HORMAD2: variants seen among roughly 807,000 people sequenced by gnomAD.
The protein encoded by HORMAD2 is HORMA domain-containing protein 2.
In HORMAD2, 45 loss-of-function variants were observed where a neutral mutation model predicts 38.8. The observed-to-expected ratio is 1.16, with a 90% CI of 0.91 to 1.49. The LOEUF (loss-of-function observed/expected upper bound fraction) is 1.49. Ranked by LOEUF, HORMAD2 falls within the 40% of genes most tolerant of loss-of-function variation. The probability of loss-of-function intolerance (pLI) is 0.00; values close to 1 mark genes in which losing one functional copy is unlikely to be tolerated. For missense variants in HORMAD2, 338 were observed against 367.0 expected, an observed-to-expected ratio of 0.92 and a Z score of 0.65; for synonymous variants, 126 against 122.8, an observed-to-expected ratio of 1.03 and a Z score of -0.17.
At chr22:30,147,739 A>T (rs527471946) in intron 10 of HORMAD2, among the ~76,000 whole-genome samples, 22 of 152,312 alleles carry the variant, frequency 1.4e-4, no homozygotes, top group Non-Finnish European at 1.6e-4. Flanking sequence ...GACTACATTT[A>T]AAAAAATCTA....
intron 10 of HORMAD2, among the ~76,000 whole-genome samples, chr22:30,165,315 G>C (rs775075085): frequency 6.6e-6 from 1 of 152,126 alleles, no homozygotes; most frequent in South Asian, 2.1e-4. Flanking sequence ...TAGGTTTGTA[G>C]TAAGCTTTGA....
At chr22:30,142,683 A>G (rs1049696596) in intron 10 of HORMAD2, among the ~76,000 whole-genome samples, 2 of 152,026 alleles carry the variant, frequency 1.3e-5, no homozygotes, top group Non-Finnish European at 2.9e-5. Context: ...TAATGTTACT[A>G]TTGATATATT....
chr22:30,097,905 G>A (rs933218638), intron 2 of HORMAD2, among the ~76,000 whole-genome samples: 2 of 152,204 alleles, frequency 1.3e-5, no homozygotes, highest in Non-Finnish European at 2.9e-5. Context: ...TCAAGCCAGT[G>A]GCAGTGAGCA....
At chr22:30,117,539 C>T (rs948675668) in intron 7 of HORMAD2, among the ~76,000 whole-genome samples, 3 of 151,458 alleles carry the variant, frequency 2.0e-5, no homozygotes, top group African/African-American at 7.3e-5. Flanking sequence ...GATGGAGTCT[C>T]GCTCTGTCAC....
At chr22:30,132,799 C>T (rs1923378180) in intron 10 of HORMAD2, among the ~76,000 whole-genome samples, 1 of 152,018 alleles carries the variant, frequency 6.6e-6, no homozygotes, top group Non-Finnish European at 1.5e-5. Flanking sequence ...CAGAGAATTA[C>T]TTCTTTCCTT....
intron 10 of HORMAD2, among the ~76,000 whole-genome samples, chr22:30,159,903 T>C (rs1925337113): frequency 6.6e-6 from 1 of 152,176 alleles, no homozygotes; most frequent in Admixed American, 6.5e-5. Flanking sequence ...TTCAGCACAC[T>C]GCTCTGGCAT....
At chr22:30,107,024 A>G (rs939234520) in intron 5 of HORMAD2, among the ~76,000 whole-genome samples, 1 of 152,196 alleles carries the variant, frequency 6.6e-6, no homozygotes, top group African/African-American at 2.4e-5. Flanking sequence ...AATGGTTAGA[A>G]CAATGCCTGG....
At chr22:30,148,866 G>A (rs994720086) in intron 10 of HORMAD2, among the ~76,000 whole-genome samples, 3 of 152,090 alleles carry the variant, frequency 2.0e-5, no homozygotes, top group Non-Finnish European at 2.9e-5. Flanking sequence ...TTAGCCGGGC[G>A]TGGTGACGGG....
chr22:30,189,646 T>A, the HORMAD2 span, among the ~76,000 whole-genome samples: 1 of 152,110 alleles, frequency 6.6e-6, no homozygotes, highest in Non-Finnish European at 1.5e-5. Flanking sequence ...CCTTGCTCCC[T>A]CCTTGCCCTG....
chr22:30,148,620 T>C (rs1027600009), intron 10 of HORMAD2, among the ~76,000 whole-genome samples: 5 of 152,176 alleles, frequency 3.3e-5, no homozygotes, highest in African/African-American at 7.2e-5. Context: ...TTGTCTCAAA[T>C]TGGAAACAAC....
At chr22:30,199,620 T>C in the HORMAD2 span, among the ~76,000 whole-genome samples, 1 of 152,246 alleles carries the variant, frequency 6.6e-6, no homozygotes. Flanking sequence ...TGTTTTATAC[T>C]CTTGAGTTAA....
chr22:30,193,970 A>T, the HORMAD2 span, among the ~76,000 whole-genome samples: 3 of 152,184 alleles, frequency 2.0e-5, no homozygotes, highest in African/African-American at 7.2e-5. Flanking sequence ...CACCACATGG[A>T]ATAGCAGATC....
rs141743598 is a variant in HORMAD2 at position 30,096,633 on chromosome 22, A to G, written c.52-2219A>G. ...TGGGTGCCTTTTACCACACCTGGCTAATTTTTGTATTTTTAGTAGAGACGG... is the reference window on the plus strand; with the variant it reads ...TGGGTGCCTTTTACCACACCTGGCTGATTTTTGTATTTTTAGTAGAGACGG... On this transcript the variant is annotated intron_variant, in intron 2 of 10. Transcript: ENST00000336726. Among the ~76,000 whole-genome samples, 22 of 151,868 alleles carry G rather than the reference A, an allele frequency of 1.4e-4. No homozygotes were observed. In the East Asian group the frequency reaches 2.9e-3, roughly 20 times the overall value.
chr22:30,097,620 G>A (rs1318607980), intron 2 of HORMAD2, among the ~76,000 whole-genome samples: 3 of 152,150 alleles, frequency 2.0e-5, no homozygotes, highest in African/African-American at 7.2e-5. Flanking sequence ...AGACAGCAGA[G>A]TGCATGGGAG....
intron 1 of HORMAD2, among the ~76,000 whole-genome samples, chr22:30,083,447 T>C (rs918969883): frequency 5.3e-5 from 8 of 152,166 alleles, no homozygotes; most frequent in Non-Finnish European, 1.0e-4. Context: ...GGATAACACA[T>C]AGAAAAAATC....
chr22:30,089,355 CTT>C (rs749436345), intron 1 of HORMAD2, among the ~76,000 whole-genome samples: 15 of 140,156 alleles, frequency 1.1e-4, no homozygotes, highest in Admixed American at 2.2e-4. Context: ...GCTGCTGCTT[CTT>C]TTTTTTTTTT....
At chr22:30,130,632 C>G (rs1246762378) in intron 10 of HORMAD2, among the ~76,000 whole-genome samples, 1 of 147,978 alleles carries the variant, frequency 6.8e-6, no homozygotes, top group Non-Finnish European at 1.5e-5. Context: ...ACTCTGTCAC[C>G]CAGGCTGGAG....
At chr22:30,094,157 C>T (rs1015058194) in intron 2 of HORMAD2, among the ~76,000 whole-genome samples, 154 bp downstream of exon 2, 12 of 152,036 alleles carry the variant, frequency 7.9e-5, no homozygotes, top group Non-Finnish European at 1.6e-4. Flanking sequence ...TTTTAACTGC[C>T]TAATAGACCA....
chr22:30,096,448 A>T (rs1390758613), intron 2 of HORMAD2, among the ~76,000 whole-genome samples: 1 of 150,386 alleles, frequency 6.6e-6, no homozygotes, highest in Non-Finnish European at 1.5e-5. Flanking sequence ...ACTTTTAGCC[A>T]TTTTGGTGGG....
Sources: allele counts gnomAD v4.1 joint callset (sites outside exome capture counted in the v4.1 genomes callset), GRCh38; gene constraint gnomAD v4.1.1; transcripts MANE v1.5; gene names NCBI Gene and HGNC (gene_info 2026-07-23, HGNC 2026-07-21).